GPATCH2: variants seen among roughly 807,000 people sequenced by gnomAD.
GPATCH2 encodes the protein G patch domain-containing protein 2.
A neutral mutation model predicts 58.0 loss-of-function variants in GPATCH2; 51 were observed. The ratio of observed to expected loss-of-function variants is 0.88; its 90% CI spans 0.70 to 1.11. The LOEUF (loss-of-function observed/expected upper bound fraction) is 1.11, where lower values mean the gene tolerates loss of function less well. Ranked by LOEUF, GPATCH2 falls within the 50% of genes most tolerant of loss-of-function variation. GPATCH2 has a pLI of 0.00. For missense variants in GPATCH2, 625 were observed against 652.2 expected (o/e 0.96, Z 0.45); for synonymous variants, 222 against 218.5 (o/e 1.02, Z -0.14).
At chr1:217,614,297 T>G in intron 2 of GPATCH2, 95 bp from the exon 3 acceptor site, 1 of 714,576 alleles carries the variant, frequency 1.4e-6, no homozygotes, top group Non-Finnish European at 2.5e-6. Context: ...AGATGGAACT[T>G]AAGCCTGACA....
At chr1:217,470,360 A>G (rs1351182447) in intron 8 of GPATCH2, among the ~76,000 whole-genome samples, 1 of 152,184 alleles carries the variant, frequency 6.6e-6, no homozygotes, top group African/African-American at 2.4e-5. Context: ...TAGTTCATCT[A>G]CCAGAAAAAG....
chr1:217,523,806 ACCC>A (rs558452828), intron 5 of GPATCH2, among the ~76,000 whole-genome samples: 1 of 131,634 alleles, frequency 7.6e-6, no homozygotes, highest in Non-Finnish European at 1.6e-5. Flanking sequence ...TGGGGGGCTG[ACCC>A]CCCCACCTCC....
At chr1:217,523,536 A>G (rs1456318891) in intron 5 of GPATCH2, among the ~76,000 whole-genome samples, 1 of 151,708 alleles carries the variant, frequency 6.6e-6, no homozygotes, top group Non-Finnish European at 1.5e-5. Context: ...AATTTTTCTT[A>G]GTACAGAACA....
At chr1:217,498,469 G>T in intron 6 of GPATCH2, 74 bp from the exon 7 acceptor site, 1 of 1,096,386 alleles carries the variant, frequency 9.1e-7, no homozygotes, top group Non-Finnish European at 1.4e-6. Context: ...CGAGCCGCAT[G>T]TGCTTTAAGA....
chr1:217,460,392 T>A (rs1660150517), intron 8 of GPATCH2, among the ~76,000 whole-genome samples: 1 of 152,246 alleles, frequency 6.6e-6, no homozygotes, highest in African/African-American at 2.4e-5. Flanking sequence ...ATACATTTTT[T>A]AATTGAGAAA....
intron 7 of GPATCH2, among the ~76,000 whole-genome samples, chr1:217,492,034 A>G (rs1316237524): frequency 6.6e-6 from 1 of 152,088 alleles, no homozygotes; most frequent in Non-Finnish European, 1.5e-5. Context: ...CTGGACAGCT[A>G]AACTGCCCTC....
intron 9 of GPATCH2, among the ~76,000 whole-genome samples, chr1:217,444,233 A>T (rs111592651): frequency 1.4e-4 from 22 of 152,222 alleles, no homozygotes; most frequent in African/African-American, 5.1e-4. Flanking sequence ...CCCATTTCTG[A>T]TGATGGAGCT....
chr1:217,617,062 G>GA, intron 2 of GPATCH2, among the ~76,000 whole-genome samples: 1 of 152,088 alleles, frequency 6.6e-6, no homozygotes, highest in Non-Finnish European at 1.5e-5. Flanking sequence ...ACACTATCTT[G>GA]AAAAAATGTA....
At chr1:217,572,026 G>GAGGT (rs1488191236) in intron 5 of GPATCH2, among the ~76,000 whole-genome samples, 1 of 134,228 alleles carries the variant, frequency 7.5e-6, no homozygotes, top group Non-Finnish European at 1.7e-5. Flanking sequence ...GGAAGGAAGG[G>GAGGT]AGGTAGGGAG....
At chr1:217,603,302 A>G (rs1390539832) in intron 5 of GPATCH2, among the ~76,000 whole-genome samples, 1 of 152,166 alleles carries the variant, frequency 6.6e-6, no homozygotes, top group East Asian at 1.9e-4. Context: ...TGGTAACATT[A>G]AAATACCAAG....
chr1:217,553,904 T>G (rs1204578484), intron 5 of GPATCH2, among the ~76,000 whole-genome samples: 1 of 152,170 alleles, frequency 6.6e-6, no homozygotes, highest in Non-Finnish European at 1.5e-5. Context: ...CCAAACAGTG[T>G]AAAGCCATAT....
intron 5 of GPATCH2, among the ~76,000 whole-genome samples, chr1:217,527,728 A>G (rs766163070): frequency 3.3e-5 from 5 of 152,178 alleles, no homozygotes; most frequent in Non-Finnish European, 7.4e-5. Context: ...TAAATTCTAC[A>G]TTTAGTCCTA....
intron 5 of GPATCH2, among the ~76,000 whole-genome samples, chr1:217,607,104 T>G (rs1389453338): frequency 2.6e-5 from 4 of 152,188 alleles, no homozygotes; most frequent in Admixed American, 1.3e-4. Flanking sequence ...CTAAATACAG[T>G]CAATCTCGTT....
intron 5 of GPATCH2, among the ~76,000 whole-genome samples, chr1:217,594,799 A>G (rs562559365): frequency 7.0e-4 from 107 of 152,310 alleles, no homozygotes; most frequent in African/African-American, 2.5e-3. Flanking sequence ...GTGTGTGCAC[A>G]TGTGTGTAAA....
Position 217,431,133 on chromosome 1 carries a change from TC to T in GPATCH2, c.*11del. On this transcript the variant is annotated 3_prime_UTR_variant, in exon 10 of 10. Coordinates refer to ENST00000366935, the MANE Select transcript of GPATCH2 (RefSeq NM_018040.5). ...TGAATAAAGTCTGTAAAACATTTCT[TC>T]TTTGCTTTTCTTAGGCGGATTTTCC... The T allele has an allele frequency of 8.3e-7, 1 of 1,202,134 alleles. No individual in the cohort carries two copies. The highest frequency in any genetic ancestry group is 1.2e-6 in the Non-Finnish European group (1 of 803,432). The allele number at this position is 1,202,134 out of a possible 1,614,324, so 74.5% of individuals were successfully genotyped here.
intron 8 of GPATCH2, among the ~76,000 whole-genome samples, chr1:217,465,017 G>A (rs1052484845): frequency 6.6e-6 from 1 of 152,016 alleles, no homozygotes; most frequent in Non-Finnish European, 1.5e-5. Flanking sequence ...CACAACTAGA[G>A]AGGTTGAGAA....
At chr1:217,582,596 A>T (rs1335277680) in intron 5 of GPATCH2, among the ~76,000 whole-genome samples, 1 of 152,212 alleles carries the variant, frequency 6.6e-6, no homozygotes, top group Non-Finnish European at 1.5e-5. Context: ...AGAATCCAGT[A>T]TTAAAGTTGG....
At chr1:217,469,246 C>G (rs1447185644) in intron 8 of GPATCH2, among the ~76,000 whole-genome samples, 1 of 152,098 alleles carries the variant, frequency 6.6e-6, no homozygotes, top group African/African-American at 2.4e-5. Context: ...GCATTTAACT[C>G]TAAATGTTTG....
chr1:217,543,707 A>C (rs928906899), intron 5 of GPATCH2, among the ~76,000 whole-genome samples: 23 of 152,238 alleles, frequency 1.5e-4, no homozygotes, highest in African/African-American at 5.5e-4. Context: ...GCATATTGTA[A>C]GCTGCTAATA....
Sources: gnomAD v4.1 joint callset for allele counts (sites outside exome capture counted in the v4.1 genomes callset) on GRCh38, gnomAD v4.1.1 for gene constraint, MANE v1.5 for transcripts, NCBI Gene and HGNC (gene_info 2026-07-23, HGNC 2026-07-21) for gene names.